DMRT1: variants seen among roughly 807,000 people sequenced by gnomAD.
DMRT1 encodes doublesex- and mab-3-related transcription factor 1.
Under a neutral mutation model 32.3 loss-of-function variants are expected in DMRT1, and 7 were observed. The observed-to-expected ratio is 0.22, with a 90% CI of 0.12 to 0.41. DMRT1 has a LOEUF of 0.41. Ranked by LOEUF, DMRT1 falls within the 10% of genes least tolerant of loss-of-function variation. The pLI is 1.00. For missense variants in DMRT1, 625 were observed against 500.5 expected (o/e 1.25, Z -2.37); for synonymous variants, 278 against 206.1 (o/e 1.35, Z -2.99).
chr9:943,474 C>T (rs1819143974), intron 4 of DMRT1, among the ~76,000 whole-genome samples: 1 of 152,240 alleles, frequency 6.6e-6, no homozygotes, highest in South Asian at 2.1e-4. Context: ...AACGAGGACA[C>T]TCTCTCAACA....
chr9:954,748 TCTC>T (rs1819541561), intron 4 of DMRT1, among the ~76,000 whole-genome samples: 1 of 152,044 alleles, frequency 6.6e-6, no homozygotes, highest in Admixed American at 6.6e-5. Context: ...TTCAAGCAAT[TCTC>T]CTGCCTCAGC....
intron 2 of DMRT1, among the ~76,000 whole-genome samples, chr9:862,962 A>T (rs1815787973): frequency 6.6e-6 from 1 of 151,990 alleles, no homozygotes; most frequent in Admixed American, 6.5e-5. Context: ...GAGTCTTGAG[A>T]TGAGTGAGAT....
At chr9:913,015 G>C (rs1007325217) in intron 3 of DMRT1, among the ~76,000 whole-genome samples, 1 of 152,080 alleles carries the variant, frequency 6.6e-6, no homozygotes, top group African/African-American at 2.4e-5. Flanking sequence ...AGACTGTATG[G>C]CTTGCCTAAA....
At chr9:903,230 G>A (rs1044831991) in intron 3 of DMRT1, among the ~76,000 whole-genome samples, 1 of 152,100 alleles carries the variant, frequency 6.6e-6, no homozygotes, top group African/African-American at 2.4e-5. Context: ...TCTTTCTCTA[G>A]CTGGCCCTGT....
At chr9:897,330 A>G (rs1262492245) in intron 3 of DMRT1, among the ~76,000 whole-genome samples, 1 of 151,092 alleles carries the variant, frequency 6.6e-6, no homozygotes, top group Admixed American at 6.6e-5. Context: ...GTTAGCCAGG[A>G]TGGTCTCAAT....
At position 901,913 on chromosome 9, in the gene DMRT1, T is replaced by C. The variant is rs944888219; in HGVS notation, c.822+7718T>C. ...ACCATCAGCAAGTGAAACTAGCCCT[T>C]TTTTTTTTTTTTTTTTTGAGACAGA... On this transcript the variant is annotated intron_variant, in intron 3 of 4. Coordinates refer to ENST00000382276, the MANE Select transcript of DMRT1 (RefSeq NM_021951.3). Among the ~76,000 whole-genome samples, 62 of 32,042 alleles carry C rather than the reference T, an allele frequency of 1.9e-3. 1 individual carries two copies. The highest frequency in any genetic ancestry group is 4.6e-3 in the Non-Finnish European group (24 of 5,252). The allele number at this position is 32,042 out of a possible 152,430, so 21.0% of individuals were successfully genotyped here. A position where few individuals can be genotyped will look rare whatever the true frequency, so the allele number is the denominator to read the frequency against.
chr9:843,385 C>G (rs1589437713), intron 1 of DMRT1, among the ~76,000 whole-genome samples: 1 of 152,232 alleles, frequency 6.6e-6, no homozygotes, highest in Admixed American at 6.5e-5. Context: ...TTTGAGAGCT[C>G]TGGAAATTTT....
intron 1 of DMRT1, among the ~76,000 whole-genome samples, chr9:842,562 C>T (rs1838734184): frequency 6.6e-6 from 1 of 152,210 alleles, no homozygotes; most frequent in Non-Finnish European, 1.5e-5. Context: ...AATGAAGTCC[C>T]CCCAGCATGG....
chr9:898,343 C>G (rs1404347550), intron 3 of DMRT1, among the ~76,000 whole-genome samples: 1 of 152,176 alleles, frequency 6.6e-6, no homozygotes, highest in African/African-American at 2.4e-5. Flanking sequence ...TGTTCTCAAA[C>G]TCCTGGCCTC....
intron 4 of DMRT1, among the ~76,000 whole-genome samples, chr9:947,608 C>T (rs1450076846): frequency 6.6e-6 from 1 of 152,136 alleles, no homozygotes; most frequent in East Asian, 1.9e-4. Context: ...TCACGGAGCT[C>T]AACCCCTTCA....
At chr9:916,144 C>T (rs1488845683) in intron 3 of DMRT1, among the ~76,000 whole-genome samples, 1 of 152,192 alleles carries the variant, frequency 6.6e-6, no homozygotes, top group Non-Finnish European at 1.5e-5. Flanking sequence ...TGCGCCCGTT[C>T]AAACAAATTT....
intron 4 of DMRT1, among the ~76,000 whole-genome samples, chr9:967,748 A>G (rs754694639): frequency 6.6e-6 from 1 of 152,216 alleles, no homozygotes; most frequent in African/African-American, 2.4e-5. Context: ...GAACTCTGCT[A>G]TCTAGCTTAC....
At chr9:888,887 G>C (rs1817034714) in intron 2 of DMRT1, among the ~76,000 whole-genome samples, 1 of 151,982 alleles carries the variant, frequency 6.6e-6, no homozygotes, top group South Asian at 2.1e-4. Context: ...AGCACTTTGG[G>C]AGGGTAAGGC....
chr9:863,817 G>C (rs183206785), intron 2 of DMRT1, among the ~76,000 whole-genome samples: 1 of 152,162 alleles, frequency 6.6e-6, no homozygotes, highest in African/African-American at 2.4e-5. Context: ...GTTGAACATC[G>C]TTCCGTATGT....
chr9:873,766 T>C (rs758488647), intron 2 of DMRT1, among the ~76,000 whole-genome samples: 3 of 152,202 alleles, frequency 2.0e-5, no homozygotes, highest in Non-Finnish European at 4.4e-5. Flanking sequence ...GGCCTTCTAA[T>C]ACCTTTTAAG....
At chr9:845,735 C>G (rs1838876362) in intron 1 of DMRT1, among the ~76,000 whole-genome samples, 1 of 151,856 alleles carries the variant, frequency 6.6e-6, no homozygotes, top group African/African-American at 2.4e-5. Context: ...TCCCTCCACC[C>G]CAGGAATCAG....
At position 887,868 on chromosome 9, in the gene DMRT1, T is replaced by C. The variant is rs144280229; in HGVS notation, c.539-6044T>C. On this transcript the variant is annotated intron_variant, in intron 2 of 4. Transcript: ENST00000382276. ...GGCAAATTCTTAAGAAAAAATGTAA[T>C]GTTTAAAGTATGTTTTTGTGCCTTT... Among the ~76,000 whole-genome samples the C allele has an allele frequency of 5.1e-3, 778 of 152,344 alleles. 7 individuals are homozygous for C. Among genetic ancestry groups the C allele is most frequent in the African/African-American group, 0.017 (696 of 41,566 alleles).
intron 2 of DMRT1, among the ~76,000 whole-genome samples, chr9:883,364 C>A (rs749738436): frequency 6.6e-6 from 1 of 152,082 alleles, no homozygotes; most frequent in Non-Finnish European, 1.5e-5. Context: ...CACTAGTGAG[C>A]CAACATCAGG....
At chr9:967,649 A>G (rs1394753862) in intron 4 of DMRT1, among the ~76,000 whole-genome samples, 1 of 152,228 alleles carries the variant, frequency 6.6e-6, no homozygotes, top group Non-Finnish European at 1.5e-5. Context: ...CATACTTTGC[A>G]TAAAGGGGAG....
Sources: gnomAD v4.1 joint callset for allele counts (sites outside exome capture counted in the v4.1 genomes callset) on GRCh38, gnomAD v4.1.1 for gene constraint, MANE v1.5 for transcripts, NCBI Gene and HGNC (gene_info 2026-07-23, HGNC 2026-07-21) for gene names.